Variants in CSMD1 observed in about 807,000 individuals in gnomAD.
CSMD1 encodes CUB and sushi domain-containing protein 1.
CSMD1 carries 213 observed loss-of-function variants against 417.5 expected under a neutral mutation model. That is an observed-to-expected ratio of 0.51 (90% CI 0.46 to 0.57). The LOEUF (loss-of-function observed/expected upper bound fraction) is 0.57. Among genes scored for constraint, CSMD1 ranks in the 20% least tolerant of loss-of-function variants. The pLI is 0.00. For synonymous variants in CSMD1, 2,862 were observed against 1,736.8 expected, an observed-to-expected ratio of 1.65 and a Z score of -16.11; for missense variants, 6,923 against 4,529.7, an observed-to-expected ratio of 1.53 and a Z score of -15.17.
intron 2 of CSMD1, among the ~76,000 whole-genome samples, chr8:4,616,826 T>C (rs142074963): frequency 8.0e-4 from 122 of 152,318 alleles, no homozygotes; most frequent in African/African-American, 2.8e-3. Context: ...GAAACTCATT[T>C]TGGTCTTCTG....
At chr8:4,443,358 T>C (rs994890806) in intron 2 of CSMD1, among the ~76,000 whole-genome samples, 2 of 152,230 alleles carry the variant, frequency 1.3e-5, no homozygotes, top group Non-Finnish European at 2.9e-5. Flanking sequence ...ACACTGGTCT[T>C]TGAAACAACG....
intron 36 of CSMD1, among the ~76,000 whole-genome samples, chr8:3,185,725 A>C (rs1164255647): frequency 6.6e-6 from 1 of 152,224 alleles, no homozygotes; most frequent in Non-Finnish European, 1.5e-5. Flanking sequence ...ACGTGGCAAG[A>C]CACATACTTT....
chr8:3,754,838 T>C (rs1014814177), intron 5 of CSMD1, among the ~76,000 whole-genome samples: 4 of 152,160 alleles, frequency 2.6e-5, no homozygotes, highest in Admixed American at 2.0e-4. Context: ...ATTCCCAGCA[T>C]CCCATTTGCA....
At position 3,796,268 on chromosome 8, in the gene CSMD1, GATATATATCTATCATGTATAGAT is replaced by G. The variant is rs1800113502; in HGVS notation, c.819-42249_819-42227del. On this transcript the variant is annotated intron_variant, in intron 5 of 69. Transcript: ENST00000635120. ...TATATATCTATCATGTATAGATATA[GATATATATCTATCATGTATAGAT>G]ATATCTATCATGTATAGATATAGAT... Among the ~76,000 whole-genome samples, 3 of 25,076 alleles carry G rather than the reference GATATATATCTATCATGTATAGAT, an allele frequency of 1.2e-4. 1 individual carries two copies. The highest frequency in any genetic ancestry group is 8.9e-4 in the African/African-American group (3 of 3,362). The allele number at this position is 25,076 out of a possible 152,430, so 16.5% of individuals were successfully genotyped here. A position where few individuals can be genotyped will look rare whatever the true frequency, so the allele number is the denominator to read the frequency against.
chr8:3,719,675 G>A (rs554663863), intron 6 of CSMD1, among the ~76,000 whole-genome samples: 3 of 152,274 alleles, frequency 2.0e-5, no homozygotes, highest in Non-Finnish European at 4.4e-5. Context: ...GGGAAGTCCA[G>A]GGGTGTCATT....
chr8:3,732,663 C>A (rs747648513), intron 6 of CSMD1, among the ~76,000 whole-genome samples: 1 of 152,010 alleles, frequency 6.6e-6, no homozygotes, highest in Non-Finnish European at 1.5e-5. Context: ...AGAGTTCAAT[C>A]CTAAATTGAT....
intron 3 of CSMD1, among the ~76,000 whole-genome samples, chr8:4,138,846 G>C (rs965038440): frequency 2.6e-5 from 4 of 152,082 alleles, no homozygotes; most frequent in Non-Finnish European, 5.9e-5. Context: ...AGAGAATAAA[G>C]TTAATATATT....
intron 6 of CSMD1, among the ~76,000 whole-genome samples, chr8:3,727,770 T>G (rs551598069): frequency 6.6e-6 from 1 of 152,272 alleles, no homozygotes; most frequent in East Asian, 1.9e-4. Context: ...TATAATCGGT[T>G]ATAATTTAGT....
intron 7 of CSMD1, among the ~76,000 whole-genome samples, chr8:3,654,577 A>G (rs1457811033): frequency 3.3e-5 from 5 of 152,196 alleles, no homozygotes; most frequent in Admixed American, 6.5e-5. Flanking sequence ...AGAAGAAAAA[A>G]TTGTCTACAT....
intron 18 of CSMD1, among the ~76,000 whole-genome samples, chr8:3,385,281 A>T (rs528649442): frequency 6.7e-6 from 1 of 149,938 alleles, no homozygotes; most frequent in African/African-American, 2.4e-5. Context: ...ATATATATGT[A>T]TGTATGTATA....
intron 3 of CSMD1, among the ~76,000 whole-genome samples, chr8:4,170,672 G>C (rs1797719621): frequency 2.0e-5 from 3 of 151,658 alleles, no homozygotes; most frequent in African/African-American, 7.3e-5. Context: ...GAATAAGTTG[G>C]AGGAGCTAGA....
At chr8:3,962,439 T>C (rs1803158474) in intron 5 of CSMD1, among the ~76,000 whole-genome samples, 1 of 151,976 alleles carries the variant, frequency 6.6e-6, no homozygotes, top group African/African-American at 2.4e-5. Context: ...CTCAGCTGGG[T>C]GATGTGAGAG....
chr8:3,308,252 A>G, intron 24 of CSMD1, 60 bp downstream of exon 24: 3 of 1,325,068 alleles, frequency 2.3e-6, no homozygotes, highest in South Asian at 1.4e-5. Context: ...TCAATGCAAC[A>G]TGGTGCAAGC....
intron 7 of CSMD1, among the ~76,000 whole-genome samples, chr8:3,637,398 T>G (rs1218456538): frequency 6.6e-6 from 1 of 152,176 alleles, no homozygotes; most frequent in African/African-American, 2.4e-5. Context: ...CTAACCACCT[T>G]ATTAACTTAA....
chr8:4,161,666 A>G (rs983672799), intron 3 of CSMD1, among the ~76,000 whole-genome samples: 12 of 152,356 alleles, frequency 7.9e-5, no homozygotes, highest in South Asian at 4.1e-4. Flanking sequence ...AACAACAGCC[A>G]TAAAAATTAT....
chr8:3,356,826 G>C (rs1282608478), intron 21 of CSMD1, among the ~76,000 whole-genome samples: 1 of 152,238 alleles, frequency 6.6e-6, no homozygotes, highest in Non-Finnish European at 1.5e-5. Context: ...GTGCACTCTG[G>C]AGAGCCAGGG....
At chr8:4,514,713 A>C (rs375956219) in intron 2 of CSMD1, among the ~76,000 whole-genome samples, 2 of 152,280 alleles carry the variant, frequency 1.3e-5, no homozygotes. Context: ...ATACAAATTA[A>C]ACCTGCTATT....
In CSMD1 at chr8:3,188,867, T is replaced by C; in HGVS notation, c.5523+20A>G. 1 of 1,544,900 alleles carries C rather than the reference T, an allele frequency of 6.5e-7. No homozygotes were observed. The highest frequency in any genetic ancestry group is 8.7e-7 in the Non-Finnish European group (1 of 1,143,214). ...ACCCCAGCTGAGCCCTGTTGTAGAC[T>C]GTGGACTTCAAGGACTCACCTGAAT... On this transcript the variant is annotated intron_variant, in intron 35 of 69. Transcript: ENST00000635120.
At chr8:3,693,797 CGT>C (rs756217508) in intron 7 of CSMD1, among the ~76,000 whole-genome samples, 5 of 149,048 alleles carry the variant, frequency 3.4e-5, no homozygotes, top group Non-Finnish European at 4.5e-5. Context: ...GTGTTGGCGT[CGT>C]GTGTGTGTGT....
Sources: allele counts gnomAD v4.1 joint callset (sites outside exome capture counted in the v4.1 genomes callset), GRCh38; gene constraint gnomAD v4.1.1; transcripts MANE v1.5; gene names NCBI Gene and HGNC (gene_info 2026-07-23, HGNC 2026-07-21).